GON4L: variants seen among roughly 807,000 people sequenced by gnomAD.
GON4L encodes the protein GON-4-like protein.
In GON4L, 87 loss-of-function variants were observed where a neutral mutation model predicts 211.8. The ratio of observed to expected loss-of-function variants is 0.41; its 90% CI spans 0.35 to 0.49. GON4L has a LOEUF of 0.49. Among genes scored for constraint, GON4L ranks in the 20% least tolerant of loss-of-function variants. The pLI, the probability that GON4L is intolerant of heterozygous loss-of-function variation, is 0.15. For synonymous variants in GON4L, 875 were observed against 962.6 expected (o/e 0.91, Z 1.68); for missense variants, 2,155 against 2,659.5 (o/e 0.81, Z 4.17).
rs145360103 is a variant in GON4L, at chr1:155,811,754, C to CAAAAAAAAAAAA, written c.1452+1868_1452+1879dup. On this transcript the variant is annotated intron_variant, in intron 10 of 31. Transcript: ENST00000368331. ...CTGGGAGACAGGCAAGACTCTGTCT[C>CAAAAAAAAAAAA]AAAAAAAAAAAAAAAAAAAAAAAAA... Among the ~76,000 whole-genome samples the CAAAAAAAAAAAA allele has an allele frequency of 2.6e-3, 85 of 33,046 alleles. 7 individuals carry two copies. The highest frequency in any genetic ancestry group is 0.011 in the African/African-American group (73 of 6,820). 21.7% of individuals were successfully genotyped at this position (33,046 alleles called of 152,430 possible). A position where few individuals can be genotyped will look rare whatever the true frequency, so the allele number is the denominator to read the frequency against.
intron 2 of GON4L, among the ~76,000 whole-genome samples, chr1:155,834,673 G>T (rs1670123697): frequency 6.6e-6 from 1 of 152,082 alleles, no homozygotes; most frequent in Non-Finnish European, 1.5e-5. Flanking sequence ...CCTTTTATCT[G>T]CATGCTAAAA....
intron 10 of GON4L, among the ~76,000 whole-genome samples, chr1:155,811,803 G>A (rs532603209): frequency 1.2e-3 from 175 of 143,214 alleles, no homozygotes; most frequent in African/African-American, 4.2e-3. Flanking sequence ...GGTGGCTGAC[G>A]CATGTCATCT....
intron 10 of GON4L, among the ~76,000 whole-genome samples, chr1:155,807,721 A>AAAAAAG (rs1667281884): frequency 3.3e-5 from 5 of 150,440 alleles, no homozygotes; most frequent in South Asian, 4.2e-4. Flanking sequence ...AAAAAAAAAA[A>AAAAAAG]AAAAGAAAAT....
chr1:155,750,701 G>T lies in GON4L; in HGVS notation c.6609C>A (p.Leu2203=). The T allele has an allele frequency of 6.3e-7, 1 of 1,586,670 alleles. No homozygotes were observed. The highest frequency in any genetic ancestry group is 8.6e-7 in the Non-Finnish European group (1 of 1,166,864). ...AGCTGGCTTCACAGGCAGTGTGGAAGAGCTGCATGAGTTCTCGAAAACGGT... is the reference window on the plus strand; with the variant it reads ...AGCTGGCTTCACAGGCAGTGTGGAATAGCTGCATGAGTTCTCGAAAACGGT... ...VSHRFRELMQ[L]FHTACEASSE... Residue 2203 remains leucine (L), a synonymous_variant, in exon 32 of 32, where the codon CTC becomes CTA. Transcript: ENST00000368331.
intron 22 of GON4L, 140 bp downstream of exon 22, chr1:155,763,172 G>C (rs1662024341): frequency 3.1e-6 from 2 of 644,080 alleles, no homozygotes; most frequent in East Asian, 2.7e-5. Flanking sequence ...TGTTTTGGGG[G>C]AGGGGTGTTG....
At chr1:155,808,079 T>C (rs952606406) in intron 10 of GON4L, among the ~76,000 whole-genome samples, 1 of 151,852 alleles carries the variant, frequency 6.6e-6, no homozygotes, top group Non-Finnish European at 1.5e-5. Context: ...CACTCTTTCC[T>C]AGACTGGAGT....
intron 4 of GON4L, 31 bp downstream of exon 4, chr1:155,822,255 C>T: frequency 6.4e-7 from 1 of 1,554,694 alleles, no homozygotes; most frequent in Non-Finnish European, 8.9e-7. Flanking sequence ...AAGTTCCCTT[C>T]CATTTACATA....
intron 2 of GON4L, among the ~76,000 whole-genome samples, chr1:155,847,480 G>C (rs1671355475): frequency 6.6e-6 from 1 of 152,102 alleles, no homozygotes; most frequent in South Asian, 2.1e-4. Context: ...GAGGAGGGCA[G>C]ATCATGAGGT....
At chr1:155,758,494 AG>A (rs1661421929) in intron 24 of GON4L, among the ~76,000 whole-genome samples, 2 of 152,194 alleles carry the variant, frequency 1.3e-5, no homozygotes, top group South Asian at 2.1e-4. Flanking sequence ...AAAATTAGGC[AG>A]GGGCCGTGGT....
intron 22 of GON4L, 66 bp from the exon 23 acceptor site, chr1:155,762,440 C>A: frequency 7.7e-7 from 1 of 1,304,988 alleles, no homozygotes; most frequent in Non-Finnish European, 1.1e-6. Flanking sequence ...CATTCCACCA[C>A]ATGCACCACC....
chr1:155,800,423 G>A (rs185440065), intron 11 of GON4L, among the ~76,000 whole-genome samples: 90 of 151,044 alleles, frequency 6.0e-4, no homozygotes, highest in Non-Finnish European at 1.2e-3. Context: ...CAGGCATGGT[G>A]GCACATGCCT....
At chr1:155,784,131 C>G in intron 13 of GON4L, 42 bp from the exon 14 acceptor site, 1 of 1,608,880 alleles carries the variant, frequency 6.2e-7, no homozygotes, top group Non-Finnish European at 8.5e-7. Context: ...GGGAATGGGC[C>G]TCTGAATGTT....
chr1:155,826,996 G>GT lies in GON4L; in HGVS notation c.537dup (p.Pro180ThrfsTer41). On this transcript the variant is annotated frameshift_variant, in exon 3 of 32. Coordinates refer to ENST00000368331, the MANE Select transcript of GON4L (RefSeq NM_001282860.2). LOFTEE classifies it high-confidence loss of function. ...GATTGGCTGCCTGATGGCAGGGAAG[G>GT]TATCTCCCCTTCAGAATTCATTTGA... The GT allele has an allele frequency of 6.2e-7, 1 of 1,613,744 alleles. No individual in the cohort carries two copies. Among genetic ancestry groups the GT allele is most frequent in the Non-Finnish European group, 8.5e-7 (1 of 1,179,618 alleles).
At chr1:155,808,089 T>C (rs1300971215) in intron 10 of GON4L, among the ~76,000 whole-genome samples, 1 of 151,792 alleles carries the variant, frequency 6.6e-6, no homozygotes, top group Non-Finnish European at 1.5e-5. Flanking sequence ...TAGACTGGAG[T>C]GCAGGGGCAT....
At chr1:155,840,302 G>A (rs1406542533) in intron 2 of GON4L, among the ~76,000 whole-genome samples, 2 of 152,166 alleles carry the variant, frequency 1.3e-5, no homozygotes, top group East Asian at 1.9e-4. Flanking sequence ...TTCCCATAAG[G>A]AGAGACAATT....
At chr1:155,857,305 A>C (rs2102540912), upstream of GON4L, 1 of 152,514 alleles carries the variant, frequency 6.6e-6, no homozygotes, top group East Asian at 1.9e-4. Flanking sequence ...ATCCCATTTT[A>C]GGGCAGAGTG....
intron 2 of GON4L, among the ~76,000 whole-genome samples, chr1:155,844,045 A>G (rs1379278314): frequency 6.6e-6 from 1 of 152,240 alleles, no homozygotes; most frequent in Admixed American, 6.5e-5. Flanking sequence ...GTATCCATTC[A>G]TAACCCCATA....
chr1:155,847,388 G>A (rs1288536112), intron 2 of GON4L, among the ~76,000 whole-genome samples: 3 of 152,184 alleles, frequency 2.0e-5, no homozygotes, highest in East Asian at 3.9e-4. Context: ...TGGCCAACAT[G>A]GCAAAAACGC....
At chr1:155,840,123 C>A (rs1035130471) in intron 2 of GON4L, among the ~76,000 whole-genome samples, 6 of 152,170 alleles carry the variant, frequency 3.9e-5, no homozygotes, top group Admixed American at 1.3e-4. Flanking sequence ...TCCAGTATAA[C>A]TTGATTCTAT....
Sources: allele counts gnomAD v4.1 joint callset (sites outside exome capture counted in the v4.1 genomes callset), GRCh38; gene constraint gnomAD v4.1.1; transcripts MANE v1.5; gene names NCBI Gene and HGNC (gene_info 2026-07-23, HGNC 2026-07-21).